CECR2: variants seen among roughly 807,000 people sequenced by gnomAD.
The protein encoded by CECR2 is CECR2 histone acetyl-lysine reader.
Under a neutral mutation model 154.5 loss-of-function variants are expected in CECR2, and 30 were observed. The observed-to-expected ratio is 0.19, with a 90% CI of 0.15 to 0.26. The LOEUF (loss-of-function observed/expected upper bound fraction) is 0.26, where lower values mean the gene tolerates loss of function less well. CECR2 is among the 10% of genes least tolerant of loss of function. The pLI is 1.00. For synonymous variants in CECR2, 725 were observed against 683.7 expected (o/e 1.06, Z -0.94); for missense variants, 1,743 against 1,829.3 (o/e 0.95, Z 0.86).
chr22:17,384,477 A>C (rs1204840585), intron 1 of CECR2, among the ~76,000 whole-genome samples: 2 of 152,212 alleles, frequency 1.3e-5, no homozygotes, highest in Non-Finnish European at 2.9e-5. Context: ...GCAGACATGA[A>C]AACCACATTA....
chr22:17,542,614 C>G lies in CECR2; in HGVS notation c.2471C>G (p.Thr824Ser). Residue 824 changes from threonine to serine, a missense_variant, in exon 16 of 19, where the codon ACT (threonine) becomes AGT (serine). Physicochemically the swap from Thr to Ser is moderately conservative, Grantham distance 58. Coordinates refer to ENST00000262608, the MANE Select transcript of CECR2 (RefSeq NM_001290047.2). ...MRPPVPPNQW[T>S]EQSGFLPHGV... is the part of the protein sequence containing the mutation. Reference sequence around the variant, plus strand: ...CCACCTGTCCCCCCCAACCAGTGGACTGAACAATCAGGCTTCCTACCTCAT... The same window carrying G: ...CCACCTGTCCCCCCCAACCAGTGGAGTGAACAATCAGGCTTCCTACCTCAT... 2 of 1,614,030 alleles carry G rather than the reference C, an allele frequency of 1.2e-6. No homozygotes were observed. The highest frequency in any genetic ancestry group is 2.2e-5 in the South Asian group (2 of 91,082).
intron 1 of CECR2, among the ~76,000 whole-genome samples, chr22:17,435,195 C>A (rs1448530393): frequency 6.6e-6 from 1 of 151,906 alleles, no homozygotes; most frequent in African/African-American, 2.4e-5. Flanking sequence ...AAAGTTTTTT[C>A]TTTCTTTCTT....
At chr22:17,404,364 CTTTCTTTTTT>C (rs1449982706) in intron 1 of CECR2, among the ~76,000 whole-genome samples, 1,334 of 59,604 alleles carry the variant, frequency 0.022, 189 homozygotes, top group African/African-American at 0.092. Context: ...GGACCCTGTT[CTTTCTTTTTT>C]TTTTTTTTTT....
At chr22:17,397,315 A>G (rs1255647696) in intron 1 of CECR2, among the ~76,000 whole-genome samples, 1 of 151,300 alleles carries the variant, frequency 6.6e-6, no homozygotes, top group African/African-American at 2.4e-5. Flanking sequence ...AATTTTTTGT[A>G]TTTTAGTAGA....
intron 2 of CECR2, among the ~76,000 whole-genome samples, chr22:17,494,984 C>T (rs963364724): frequency 1.3e-5 from 2 of 152,116 alleles, no homozygotes; most frequent in African/African-American, 2.4e-5. Context: ...TGAGCCACCG[C>T]GCCCGGCAAA....
intron 13 of CECR2, among the ~76,000 whole-genome samples, chr22:17,539,528 G>A (rs955095397): frequency 2.6e-5 from 4 of 152,088 alleles, no homozygotes; most frequent in African/African-American, 9.7e-5. Context: ...GGGGGAAGAG[G>A]GGAGGGATAG....
intron 2 of CECR2, among the ~76,000 whole-genome samples, chr22:17,478,352 ATTTTT>A (rs56010603): frequency 1.7e-5 from 2 of 118,970 alleles, no homozygotes; most frequent in Admixed American, 9.8e-5. Flanking sequence ...ATGGTATCAA[ATTTTT>A]TTTTTTTTTT....
chr22:17,555,627 C>T lies in CECR2; in HGVS notation c.*2787C>T, dbSNP rs1245778620. On this transcript the variant is annotated 3_prime_UTR_variant, in exon 19 of 19. Coordinates refer to ENST00000262608, the MANE Select transcript of CECR2 (RefSeq NM_001290047.2). ...TCTTTCCAAGTGTCTTAAGCAGATG[C>T]AATGTCTTAAAGCAGATGCAAATGC... 1 of 152,198 alleles carries T rather than the reference C, an allele frequency of 6.6e-6. No individual in the cohort carries two copies. Among genetic ancestry groups the T allele is most frequent in the African/African-American group, 2.4e-5 (1 of 41,448 alleles). The allele number at this position is 152,198 out of a possible 1,614,324, so 9.4% of individuals were successfully genotyped here. A position where few individuals can be genotyped will look rare whatever the true frequency, so the allele number is the denominator to read the frequency against.
chr22:17,370,131 G>C (rs1569036039), intron 1 of CECR2, among the ~76,000 whole-genome samples: 1 of 151,174 alleles, frequency 6.6e-6, no homozygotes, highest in Admixed American at 6.6e-5. Context: ...GGATCCTGGG[G>C]TGGAGGAGCA....
chr22:17,447,234 G>C (rs5992055), intron 1 of CECR2, among the ~76,000 whole-genome samples: 44,225 of 149,782 alleles, frequency 0.3, 9,371 homozygotes, highest in African/African-American at 0.57. Flanking sequence ...GGGACTGCAA[G>C]CTCCGCCTCC....
chr22:17,480,932 C>G (rs1269810936), intron 2 of CECR2, among the ~76,000 whole-genome samples: 2 of 149,178 alleles, frequency 1.3e-5, no homozygotes, highest in African/African-American at 5.0e-5. Context: ...CCCAGCTACT[C>G]AGGAGGCTGA....
intron 1 of CECR2, among the ~76,000 whole-genome samples, chr22:17,379,629 C>T (rs935054122): frequency 1.4e-4 from 17 of 119,112 alleles, no homozygotes; most frequent in African/African-American, 4.3e-4. Flanking sequence ...TGTGTGTTTG[C>T]GATATATGCA....
At chr22:17,423,765 C>G (rs115122887) in intron 1 of CECR2, among the ~76,000 whole-genome samples, 289 of 152,274 alleles carry the variant, frequency 1.9e-3, no homozygotes, top group African/African-American at 6.4e-3. Context: ...AGTTGTGATG[C>G]TTGGTATTCC....
At chr22:17,380,331 T>C in intron 1 of CECR2, among the ~76,000 whole-genome samples, 1 of 152,230 alleles carries the variant, frequency 6.6e-6, no homozygotes, top group Non-Finnish European at 1.5e-5. Flanking sequence ...TAATATGGTT[T>C]ATGCAAAAAT....
intron 3 of CECR2, among the ~76,000 whole-genome samples, 157 bp downstream of exon 3, chr22:17,497,743 ACTG>A (rs2055657258): frequency 6.6e-6 from 1 of 152,162 alleles, no homozygotes. Flanking sequence ...GAAAACCATG[ACTG>A]CTGTAGCCAC....
intron 1 of CECR2, among the ~76,000 whole-genome samples, chr22:17,459,465 G>T (rs116295587): frequency 0.015 from 2,232 of 151,836 alleles, 54 homozygotes; most frequent in African/African-American, 0.051. Flanking sequence ...CCAATTTTTT[G>T]TGTGTGTTTT....
At chr22:17,479,445 A>G (rs1413687070) in intron 2 of CECR2, among the ~76,000 whole-genome samples, 3 of 152,212 alleles carry the variant, frequency 2.0e-5, no homozygotes, top group African/African-American at 4.8e-5. Flanking sequence ...ATGTAATTAC[A>G]ACAGTAAGTG....
chr22:17,538,115 G>T (rs539876614), intron 10 of CECR2, among the ~76,000 whole-genome samples: 2 of 152,316 alleles, frequency 1.3e-5, no homozygotes, highest in South Asian at 4.1e-4. Context: ...CTATTCAGGA[G>T]GCTAAGGTGA....
rs556186704 is a variant in CECR2 at position 17,477,565 on chromosome 22, A to G, written c.127-23A>G. ...TAAGAAATCTCTGTTTGATTTCTCA[A>G]CTTCCCTCTCTCCCTCCCTCAGGAG... is the stretch of plus-strand genomic sequence containing the variant. On this transcript the variant is annotated intron_variant, in intron 1 of 18. Transcript: ENST00000262608. The G allele has an allele frequency of 4.6e-6, 7 of 1,513,836 alleles. No individual in the cohort carries two copies. The Admixed American group carries it at 5.0e-5, about 11-fold the overall frequency. The allele number at this position is 1,513,836 out of a possible 1,614,324, so 93.8% of individuals were successfully genotyped here.
Sources: gnomAD v4.1 joint callset for allele counts (sites outside exome capture counted in the v4.1 genomes callset) on GRCh38, gnomAD v4.1.1 for gene constraint, MANE v1.5 for transcripts, NCBI Gene and HGNC (gene_info 2026-07-23, HGNC 2026-07-21) for gene names.